CACNA1E: variants seen among roughly 807,000 people sequenced by gnomAD.
The protein encoded by CACNA1E is voltage-dependent R-type calcium channel subunit alpha-1E.
In CACNA1E, 40 loss-of-function variants were observed where a neutral mutation model predicts 259.2. The ratio of observed to expected loss-of-function variants is 0.15; its 90% CI spans 0.12 to 0.20. The LOEUF is 0.20. Among genes scored for constraint, CACNA1E ranks in the 10% least tolerant of loss-of-function variants. The probability of loss-of-function intolerance (pLI) is 1.00; values close to 1 mark genes in which losing one functional copy is unlikely to be tolerated. For missense variants in CACNA1E, 1,874 were observed against 3,040.1 expected (o/e 0.62, Z 9.02); for synonymous variants, 1,104 against 1,138.5 (o/e 0.97, Z 0.61).
chr1:181,588,546 G>T (rs1652319113), intron 6 of CACNA1E, among the ~76,000 whole-genome samples: 1 of 152,178 alleles, frequency 6.6e-6, no homozygotes, highest in African/African-American at 2.4e-5. Flanking sequence ...TTTCTGTCTT[G>T]GTTTGTCAAA....
chr1:181,635,397 CCT>C (rs767951046), intron 6 of CACNA1E, among the ~76,000 whole-genome samples: 25 of 152,252 alleles, frequency 1.6e-4, no homozygotes, highest in Middle Eastern at 3.4e-3. Context: ...TCTTCTCCTC[CCT>C]CTCCATCTCT....
intron 2 of CACNA1E, among the ~76,000 whole-genome samples, chr1:181,449,150 T>G (rs1660988353): frequency 6.6e-6 from 1 of 152,142 alleles, no homozygotes; most frequent in Admixed American, 6.5e-5. Flanking sequence ...TGATTTATTT[T>G]GAGTGCAGTT....
intron 1 of CACNA1E, among the ~76,000 whole-genome samples, chr1:181,370,522 C>G (rs1654614550): frequency 6.6e-6 from 1 of 152,160 alleles, no homozygotes; most frequent in African/African-American, 2.4e-5. Flanking sequence ...TAAGTGAGAA[C>G]ATGTGGTATT....
chr1:181,490,543 G>GTTTT lies in CACNA1E; in HGVS notation c.266+6548_266+6551dup, dbSNP rs34093740. ...CCTGCCTGGCACCTGTGCCAAGCAT[G>GTTTT]TTTTTTTTTTTTTTTTTTGCCTGTG... On this transcript the variant is annotated intron_variant, in intron 1 of 47. Transcript: ENST00000367573. Among the ~76,000 whole-genome samples, 651 of 125,264 alleles carry GTTTT rather than the reference G, an allele frequency of 5.2e-3. 9 individuals carry two copies. The highest frequency in any genetic ancestry group is 0.018 in the African/African-American group (601 of 32,796). 82.2% of individuals were successfully genotyped at this position (125,264 alleles called of 152,430 possible). A position where few individuals can be genotyped will look rare whatever the true frequency, so the allele number is the denominator to read the frequency against.
rs1455103764 is a variant in CACNA1E at position 181,580,880 on chromosome 1, A to C, written c.951+104A>C. ...AGTCCGGGGACAGGGAGGGCTATGG[A>C]TATAGGTGTATTGGGATGGGAGGTG... On this transcript the variant is annotated intron_variant, in intron 6 of 47. Coordinates refer to ENST00000367573, the MANE Select transcript of CACNA1E (RefSeq NM_001205293.3). 3 of 944,778 alleles carry C rather than the reference A, an allele frequency of 3.2e-6. No individual in the cohort carries two copies. In the African/African-American group the frequency reaches 4.9e-5, roughly 15 times the overall value. 58.5% of individuals were successfully genotyped at this position (944,778 alleles called of 1,614,324 possible). A position where few individuals can be genotyped will look rare whatever the true frequency, so the allele number is the denominator to read the frequency against.
At chr1:181,592,995 A>T (rs1488572882) in intron 6 of CACNA1E, among the ~76,000 whole-genome samples, 1 of 152,102 alleles carries the variant, frequency 6.6e-6, no homozygotes, top group Non-Finnish European at 1.5e-5. Flanking sequence ...TGCAGGCAAA[A>T]CACTGTTCTC....
intron 1 of CACNA1E, among the ~76,000 whole-genome samples, chr1:181,372,829 T>TATATATATATA (rs200880723): frequency 2.3e-5 from 2 of 86,366 alleles, no homozygotes; most frequent in South Asian, 3.3e-4. Flanking sequence ...TATATATATA[T>TATATATATATA]TTTTTTTTTA....
At chr1:181,641,085 A>G (rs764782124) in intron 6 of CACNA1E, among the ~76,000 whole-genome samples, 6 of 152,238 alleles carry the variant, frequency 3.9e-5, no homozygotes, top group South Asian at 2.1e-4. Context: ...TGGATACCAA[A>G]GCCCTTGAGA....
At chr1:181,640,575 A>C (rs1657657207) in intron 6 of CACNA1E, among the ~76,000 whole-genome samples, 1 of 152,206 alleles carries the variant, frequency 6.6e-6, no homozygotes, top group East Asian at 1.9e-4. Flanking sequence ...TTCAATGATA[A>C]ATTAATTCGC....
At chr1:181,498,566 T>C (rs180675509) in intron 1 of CACNA1E, among the ~76,000 whole-genome samples, 263 of 152,344 alleles carry the variant, frequency 1.7e-3, no homozygotes, top group African/African-American at 6.1e-3. Flanking sequence ...TCATGTATGC[T>C]CTTTCTTTCT....
chr1:181,631,350 G>T (rs1558205626), intron 6 of CACNA1E, among the ~76,000 whole-genome samples: 2 of 150,926 alleles, frequency 1.3e-5, no homozygotes, highest in Non-Finnish European at 3.0e-5. Flanking sequence ...AAACCTTCAG[G>T]CTCTATCCCC....
At chr1:181,653,713 G>A (rs2102075998) in intron 7 of CACNA1E, among the ~76,000 whole-genome samples, 1 of 152,318 alleles carries the variant, frequency 6.6e-6, no homozygotes, top group Middle Eastern at 3.4e-3. Flanking sequence ...AGTTTTATAA[G>A]GCCACTTGTC....
chr1:181,738,310 A>T (rs949417772), intron 23 of CACNA1E, 57 bp from the exon 24 acceptor site: 4 of 1,423,600 alleles, frequency 2.8e-6, no homozygotes, highest in Non-Finnish European at 4.0e-6. Flanking sequence ...GTGGGAGCTC[A>T]TGTAGTAGCC....
At chr1:181,441,915 A>G (rs1022502607) in intron 2 of CACNA1E, among the ~76,000 whole-genome samples, 1 of 152,144 alleles carries the variant, frequency 6.6e-6, no homozygotes, top group Non-Finnish European at 1.5e-5. Flanking sequence ...GTGAGGGAAG[A>G]AAGGAGGGGA....
In CACNA1E at chr1:181,802,440, C is replaced by T. The variant is rs1162526579; in HGVS notation, c.*3606C>T. Reference sequence around the variant, plus strand: ...TCTTTGCACAGATTCCTCCCAACCCCATAGAGCCTATGTGGTGAGCATGAG... The same window carrying T: ...TCTTTGCACAGATTCCTCCCAACCCTATAGAGCCTATGTGGTGAGCATGAG... On this transcript the variant is annotated 3_prime_UTR_variant, in exon 48 of 48. Coordinates refer to ENST00000367573, the MANE Select transcript of CACNA1E (RefSeq NM_001205293.3). The T allele has an allele frequency of 6.6e-6, 1 of 152,254 alleles. No individual in the cohort carries two copies. The allele number at this position is 152,254 out of a possible 1,614,324, so 9.4% of individuals were successfully genotyped here.
At chr1:181,520,568 A>C (rs1425889881) in intron 3 of CACNA1E, among the ~76,000 whole-genome samples, 1 of 152,248 alleles carries the variant, frequency 6.6e-6, no homozygotes, top group Non-Finnish European at 1.5e-5. Flanking sequence ...ATTTCACTGA[A>C]ACCTATTGCA....
chr1:181,616,225 T>C (rs780981774), intron 6 of CACNA1E, among the ~76,000 whole-genome samples: 42 of 152,250 alleles, frequency 2.8e-4, no homozygotes, highest in Admixed American at 2.6e-3. Context: ...ACAAGCTAGA[T>C]ATGCTGTCTT....
In CACNA1E at chr1:181,804,042, A is replaced by C. The variant is rs1286745642; in HGVS notation, c.*5208A>C. 2 of 152,202 alleles carry C rather than the reference A, an allele frequency of 1.3e-5. No individual in the cohort carries two copies. Among genetic ancestry groups the C allele is most frequent in the Non-Finnish European group, 2.9e-5 (2 of 68,034 alleles). 9.4% of individuals were successfully genotyped at this position (152,202 alleles called of 1,614,324 possible). A position where few individuals can be genotyped will look rare whatever the true frequency, so the allele number is the denominator to read the frequency against. On this transcript the variant is annotated 3_prime_UTR_variant, in exon 48 of 48. Transcript: ENST00000367573. ...TTCTAAATGCAAAAGGAGATTTTAT[A>C]ATAAGCCATGCTACCTGTAAATACA...
chr1:181,429,099 T>C (rs1388029201), intron 2 of CACNA1E, among the ~76,000 whole-genome samples: 1 of 152,060 alleles, frequency 6.6e-6, no homozygotes, highest in Admixed American at 6.5e-5. Context: ...AGAGAATCGC[T>C]TGAACCTGGG....
Sources: allele counts gnomAD v4.1 joint callset (sites outside exome capture counted in the v4.1 genomes callset), GRCh38; gene constraint gnomAD v4.1.1; transcripts MANE v1.5; gene names NCBI Gene and HGNC (gene_info 2026-07-23, HGNC 2026-07-21).